NAV2: variants seen among roughly 807,000 people sequenced by gnomAD.
NAV2 encodes the protein neuron navigator 2.
Under a neutral mutation model 223.2 loss-of-function variants are expected in NAV2, and 54 were observed. That is an observed-to-expected ratio of 0.24 (90% CI 0.19 to 0.30). NAV2 has a LOEUF of 0.30. Ranked by LOEUF, NAV2 falls within the 10% of genes least tolerant of loss-of-function variation. NAV2 has a pLI of 1.00. For synonymous variants in NAV2, 1,279 were observed against 1,239.3 expected (o/e 1.03, Z -0.67); for missense variants, 2,806 against 3,147.5 (o/e 0.89, Z 2.60).
intron 10 of NAV2, among the ~76,000 whole-genome samples, chr11:19,978,360 G>T (rs2049989143): frequency 6.6e-6 from 1 of 152,146 alleles, no homozygotes; most frequent in African/African-American, 2.4e-5. Flanking sequence ...TGATGTTTGG[G>T]GATCTGGATG....
chr11:19,644,315 A>G (rs2047754771), intron 1 of NAV2, among the ~76,000 whole-genome samples: 1 of 152,250 alleles, frequency 6.6e-6, no homozygotes, highest in African/African-American at 2.4e-5. Flanking sequence ...CTGGATGTAC[A>G]AGTAAAAGAA....
chr11:19,866,140 T>G (rs1185452305), intron 3 of NAV2, among the ~76,000 whole-genome samples: 1 of 152,260 alleles, frequency 6.6e-6, no homozygotes, highest in Non-Finnish European at 1.5e-5. Flanking sequence ...CACAATGATG[T>G]TGACTGAATG....
In NAV2 at chr11:19,946,525, A is replaced by G. The variant is rs935242187; in HGVS notation, c.2255+16A>G. 2.5e-6 allele frequency: 4 copies of G among 1,598,808 alleles called. No homozygotes were observed. The highest frequency in any genetic ancestry group is 3.4e-6 in the Non-Finnish European group (4 of 1,169,004). On this transcript the variant is annotated intron_variant, in intron 9 of 37. Coordinates refer to ENST00000349880, the MANE Select transcript of NAV2 (RefSeq NM_145117.5). ...TTACACACAGGTATCTGCAGTGTGA[A>G]TTACTTTACTGAACTACCTGGTATC...
At chr11:19,865,901 G>T (rs1302918049) in intron 3 of NAV2, among the ~76,000 whole-genome samples, 1 of 152,160 alleles carries the variant, frequency 6.6e-6, no homozygotes, top group Non-Finnish European at 1.5e-5. Flanking sequence ...CAAGGTGTGT[G>T]TTGAATCGCA....
chr11:19,544,752 C>T (rs935189762), intron 1 of NAV2, among the ~76,000 whole-genome samples: 4 of 152,222 alleles, frequency 2.6e-5, no homozygotes, highest in Non-Finnish European at 4.4e-5. Flanking sequence ...CATAAAAGAA[C>T]GAGCCCCAGC....
chr11:19,673,527 C>T (rs2048626362), intron 1 of NAV2, among the ~76,000 whole-genome samples: 1 of 152,246 alleles, frequency 6.6e-6, no homozygotes, highest in African/African-American at 2.4e-5. Flanking sequence ...CACAGCTTCT[C>T]TGATAACAAG....
intron 2 of NAV2, among the ~76,000 whole-genome samples, chr11:19,832,974 A>C (rs1413143687): frequency 1.3e-5 from 2 of 152,182 alleles, no homozygotes; most frequent in Non-Finnish European, 2.9e-5. Flanking sequence ...ATATTTCCAA[A>C]AAAAAAGTAA....
chr11:19,609,153 C>T (rs2046562457), intron 1 of NAV2, among the ~76,000 whole-genome samples: 1 of 152,194 alleles, frequency 6.6e-6, no homozygotes, highest in Admixed American at 6.5e-5. Flanking sequence ...TCGCAGACAT[C>T]TCTAGATGGC....
chr11:19,878,276 A>C (rs530980491), intron 4 of NAV2, among the ~76,000 whole-genome samples: 81 of 152,342 alleles, frequency 5.3e-4, no homozygotes, highest in African/African-American at 1.9e-3. Context: ...TTAAGGTATG[A>C]AGCTGGAGCT....
chr11:19,842,797 C>T, intron 2 of NAV2, 74 bp from the exon 3 acceptor site: 1 of 1,466,680 alleles, frequency 6.8e-7, no homozygotes, highest in Non-Finnish European at 9.5e-7. Flanking sequence ...TTGGTTGCCT[C>T]AAGTGTCCTG....
At chr11:19,664,201 G>T (rs1464924151) in intron 1 of NAV2, among the ~76,000 whole-genome samples, 1 of 152,212 alleles carries the variant, frequency 6.6e-6, no homozygotes, top group Non-Finnish European at 1.5e-5. Context: ...GACTGAAATT[G>T]ATTTCTTTCT....
chr11:19,404,160 C>G (rs1051275528), intron 1 of NAV2, among the ~76,000 whole-genome samples: 5 of 152,068 alleles, frequency 3.3e-5, no homozygotes, highest in African/African-American at 1.2e-4. Context: ...TGCTCGGGGC[C>G]CTGGCATAAT....
At chr11:19,825,895 C>G (rs193146496) in intron 1 of NAV2, among the ~76,000 whole-genome samples, 2 of 152,272 alleles carry the variant, frequency 1.3e-5, no homozygotes, top group Admixed American at 6.5e-5. Flanking sequence ...TAAAGTGAAT[C>G]AAAATGAATT....
At chr11:19,391,314 C>T (rs755342689) in intron 1 of NAV2, among the ~76,000 whole-genome samples, 1 of 152,156 alleles carries the variant, frequency 6.6e-6, no homozygotes, top group Non-Finnish European at 1.5e-5. Context: ...CACCTCTGTT[C>T]CTTCCCAGCT....
intron 1 of NAV2, among the ~76,000 whole-genome samples, chr11:19,630,444 C>T (rs1325800709): frequency 6.6e-6 from 1 of 152,102 alleles, no homozygotes; most frequent in Admixed American, 6.5e-5. Context: ...TTCCGAGGAA[C>T]CCTAGGGTTC....
chr11:19,782,855 A>C (rs1337361197), intron 1 of NAV2, among the ~76,000 whole-genome samples: 1 of 152,226 alleles, frequency 6.6e-6, no homozygotes, highest in Non-Finnish European at 1.5e-5. Flanking sequence ...TTGTTTAAAC[A>C]GGGTAACAAG....
intron 1 of NAV2, among the ~76,000 whole-genome samples, chr11:19,751,073 A>T (rs949267697): frequency 3.3e-5 from 5 of 152,208 alleles, no homozygotes; most frequent in Non-Finnish European, 5.9e-5. Flanking sequence ...CTAAAAATAG[A>T]CTATAGCAAG....
chr11:20,052,532 G>A (rs2058078300), intron 17 of NAV2, among the ~76,000 whole-genome samples: 1 of 152,182 alleles, frequency 6.6e-6, no homozygotes, highest in South Asian at 2.1e-4. Flanking sequence ...TGCCCCACTG[G>A]TGCCCTGAGA....
intron 1 of NAV2, among the ~76,000 whole-genome samples, chr11:19,674,932 T>C (rs1243830245): frequency 6.6e-6 from 1 of 152,208 alleles, no homozygotes; most frequent in Non-Finnish European, 1.5e-5. Context: ...TGCACCACTT[T>C]ATGGAGTTTG....
Sources: gnomAD v4.1 joint callset for allele counts (sites outside exome capture counted in the v4.1 genomes callset) on GRCh38, gnomAD v4.1.1 for gene constraint, MANE v1.5 for transcripts, NCBI Gene and HGNC (gene_info 2026-07-23, HGNC 2026-07-21) for gene names.